Variants in CNOT6 observed in about 807,000 individuals in gnomAD.
The protein encoded by CNOT6 is carbon catabolite repression 4 protein.
CNOT6 carries 12 observed loss-of-function variants against 61.2 expected under a neutral mutation model. That is an observed-to-expected ratio of 0.20 (90% CI 0.13 to 0.32). The LOEUF is 0.32. Among genes scored for constraint, CNOT6 ranks in the 10% least tolerant of loss-of-function variants. The pLI, the probability that CNOT6 is intolerant of heterozygous loss-of-function variation, is 1.00. For synonymous variants in CNOT6, 225 were observed against 240.6 expected, an observed-to-expected ratio of 0.94 and a Z score of 0.60; for missense variants, 405 against 663.9, an observed-to-expected ratio of 0.61 and a Z score of 4.28.
chr5:180,568,107 C>T lies in CNOT6; in HGVS notation c.1027+104C>T, dbSNP rs146952934. 3.6e-6 allele frequency: 4 copies of T among 1,115,002 alleles called. No homozygotes were observed. The African/African-American group carries it at 4.7e-5, about 13-fold the overall frequency. 69.1% of individuals were successfully genotyped at this position (1,115,002 alleles called of 1,614,324 possible). A position where few individuals can be genotyped will look rare whatever the true frequency, so the allele number is the denominator to read the frequency against. Reference sequence around the variant, plus strand: ...TGTGTATTCATGGTCTTGTCTAACACCTGAAGAAACTCAGTGAGAAGTTGT... The same window carrying T: ...TGTGTATTCATGGTCTTGTCTAACATCTGAAGAAACTCAGTGAGAAGTTGT... On this transcript the variant is annotated intron_variant, in intron 9 of 11. Coordinates refer to ENST00000261951, the MANE Select transcript of CNOT6 (RefSeq NM_001370472.1).
At position 180,569,295 on chromosome 5, in the gene CNOT6, A is replaced by C; in HGVS notation, c.1213A>C (p.Ile405Leu). The C allele has an allele frequency of 6.2e-7, 1 of 1,614,070 alleles. No individual in the cohort carries two copies. The highest frequency in any genetic ancestry group is 8.5e-7 in the Non-Finnish European group (1 of 1,179,912). ...CAGTGTTTTGGGAGAATTTGGAACT[A>C]TTCCACTTGTGTTATGTGCAGATCT... ...KSSVLGEFGT[I>L]PLVLCADLNS... Residue 405 changes from isoleucine to leucine, a missense_variant, in exon 10 of 12, where the codon ATT becomes CTT. Transcript: ENST00000261951.
intron 1 of CNOT6, among the ~76,000 whole-genome samples, chr5:180,508,002 A>G (rs900940207): frequency 1.3e-5 from 2 of 152,178 alleles, no homozygotes; most frequent in Admixed American, 6.6e-5. Context: ...CACTGGGGAT[A>G]CAATTTGACA....
chr5:180,546,278 C>G (rs1293445191), intron 2 of CNOT6, among the ~76,000 whole-genome samples: 1 of 152,096 alleles, frequency 6.6e-6, no homozygotes, highest in Non-Finnish European at 1.5e-5. Flanking sequence ...ATCATTTATT[C>G]TTTGTTCTAT....
At chr5:180,506,957 G>A (rs1757157960) in intron 1 of CNOT6, among the ~76,000 whole-genome samples, 1 of 152,166 alleles carries the variant, frequency 6.6e-6, no homozygotes, top group African/African-American at 2.4e-5. Context: ...ACTAAGGCAG[G>A]TTTAATGAAT....
intron 4 of CNOT6, among the ~76,000 whole-genome samples, chr5:180,561,354 TTTTG>T (rs754220641): frequency 1.0e-5 from 1 of 99,750 alleles, no homozygotes. Context: ...TTCTTGTGTG[TTTTG>T]TGTGTGTGTG....
At chr5:180,547,628 TC>T (rs1430727732) in intron 2 of CNOT6, among the ~76,000 whole-genome samples, 2 of 152,240 alleles carry the variant, frequency 1.3e-5, no homozygotes, top group African/African-American at 4.8e-5. Context: ...GAAATGTTTT[TC>T]CCCTCTGGTG....
intron 1 of CNOT6, among the ~76,000 whole-genome samples, chr5:180,501,110 C>T (rs770184178): frequency 3.9e-5 from 6 of 151,988 alleles, no homozygotes; most frequent in African/African-American, 7.3e-5. Flanking sequence ...TGATAGAAAT[C>T]CAGTGAGAGT....
chr5:180,531,789 C>T (rs1204228320), intron 2 of CNOT6, among the ~76,000 whole-genome samples: 1 of 152,234 alleles, frequency 6.6e-6, no homozygotes, highest in Non-Finnish European at 1.5e-5. Flanking sequence ...TGGAGACCAG[C>T]CCGGCCAACA....
At chr5:180,566,034 A>G (rs1040659775) in intron 7 of CNOT6, 57 bp downstream of exon 7, 1 of 1,486,120 alleles carries the variant, frequency 6.7e-7, no homozygotes, top group African/African-American at 1.4e-5. Context: ...GCAACTAGGA[A>G]TACATTACGC....
chr5:180,573,580 TGTGTGTGTGTGTGTGTGTGTGTCC>T (rs1460732471), intron 11 of CNOT6, among the ~76,000 whole-genome samples: 71 of 31,022 alleles, frequency 2.3e-3, no homozygotes, highest in Non-Finnish European at 4.3e-3. Flanking sequence ...TGTGTGTGTG[TGTGTGTGTGTGTGTGTGTGTGTCC>T]GTCCGTCCGT....
intron 2 of CNOT6, among the ~76,000 whole-genome samples, chr5:180,541,798 G>C (rs1282881339): frequency 2.0e-5 from 3 of 150,776 alleles, no homozygotes; most frequent in African/African-American, 7.3e-5. Context: ...TTGAGATGGA[G>C]TCTTGCTCTG....
chr5:180,539,173 CA>C (rs56032920), intron 2 of CNOT6, among the ~76,000 whole-genome samples: 64 of 93,218 alleles, frequency 6.9e-4, no homozygotes, highest in Admixed American at 1.3e-3. Flanking sequence ...GACTCCATCT[CA>C]AAAAAAAAAA....
intron 2 of CNOT6, among the ~76,000 whole-genome samples, chr5:180,544,842 C>G (rs985545033): frequency 3.3e-5 from 5 of 152,196 alleles, no homozygotes; most frequent in Admixed American, 1.3e-4. Context: ...GCCTGTAGTT[C>G]CAGCTACTTG....
At chr5:180,525,079 TA>T (rs1209967811) in intron 1 of CNOT6, among the ~76,000 whole-genome samples, 1 of 152,196 alleles carries the variant, frequency 6.6e-6, no homozygotes, top group Non-Finnish European at 1.5e-5. Context: ...TTGTATTGAA[TA>T]TTTTTTTATC....
At chr5:180,543,977 A>AT (rs1759177028) in intron 2 of CNOT6, among the ~76,000 whole-genome samples, 1 of 151,722 alleles carries the variant, frequency 6.6e-6, no homozygotes, top group Non-Finnish European at 1.5e-5. Context: ...CGCCTGGCTA[A>AT]TTTTTTTGTA....
intron 1 of CNOT6, among the ~76,000 whole-genome samples, chr5:180,509,732 G>T (rs922126746): frequency 6.6e-6 from 1 of 151,182 alleles, no homozygotes; most frequent in African/African-American, 2.4e-5. Flanking sequence ...TTATTTTTAC[G>T]TAGAGACAGG....
chr5:180,553,373 T>G lies in CNOT6; in HGVS notation c.300-13T>G. 6.2e-7 allele frequency: 1 copy of G among 1,604,304 alleles called. No individual in the cohort carries two copies. The highest frequency in any genetic ancestry group is 8.5e-7 in the Non-Finnish European group (1 of 1,173,412). ...CATATTTTTCTGACTTCCTGGAATT[T>G]TTACATCAACAGGGAGCTCCATTTA... On this transcript the variant is annotated splice_polypyrimidine_tract_variant and intron_variant, in intron 3 of 11. Coordinates refer to ENST00000261951, the MANE Select transcript of CNOT6 (RefSeq NM_001370472.1).
intron 2 of CNOT6, among the ~76,000 whole-genome samples, chr5:180,538,442 T>C (rs1758829244): frequency 6.7e-6 from 1 of 150,352 alleles, no homozygotes; most frequent in Non-Finnish European, 1.5e-5. Context: ...TCCTAGCACT[T>C]TGGGAGACTA....
intron 7 of CNOT6, among the ~76,000 whole-genome samples, chr5:180,566,806 C>G (rs1047666783): frequency 6.6e-6 from 1 of 151,754 alleles, no homozygotes; most frequent in Non-Finnish European, 1.5e-5. Flanking sequence ...GCATGCACCA[C>G]CATGCCTGGC....
Sources: allele counts gnomAD v4.1 joint callset (sites outside exome capture counted in the v4.1 genomes callset), GRCh38; gene constraint gnomAD v4.1.1; transcripts MANE v1.5; gene names NCBI Gene and HGNC (gene_info 2026-07-23, HGNC 2026-07-21).